The following SH3PXD2A variants were observed in gnomAD, a reference collection of about 807,000 sequenced individuals.
The protein encoded by SH3PXD2A is SH3 and PX domains 2A.
A neutral mutation model predicts 115.2 loss-of-function variants in SH3PXD2A; 32 were observed. That is an observed-to-expected ratio of 0.28 (90% CI 0.21 to 0.37). The LOEUF is 0.37. Ranked by LOEUF, SH3PXD2A falls within the 10% of genes least tolerant of loss-of-function variation. SH3PXD2A has a pLI of 1.00. For missense variants in SH3PXD2A, 1,328 were observed against 1,498.7 expected (o/e 0.89, Z 1.88); for synonymous variants, 610 against 629.1 (o/e 0.97, Z 0.45).
At chr10:103,767,238 C>T in intron 2 of SH3PXD2A, 69 bp from the exon 3 acceptor site, 3 of 1,152,032 alleles carry the variant, frequency 2.6e-6, no homozygotes, top group South Asian at 1.3e-5. Context: ...CCCTTCCCCA[C>T]TCACTCCACT....
intron 2 of SH3PXD2A, among the ~76,000 whole-genome samples, chr10:103,790,194 G>T (rs556605316): frequency 1.3e-5 from 2 of 150,038 alleles, no homozygotes; most frequent in African/African-American, 4.9e-5. Context: ...TCGCTGTGTC[G>T]CCCAGGCTGG....
At chr10:103,609,157 G>GAA (rs767710953) in intron 13 of SH3PXD2A, 16 of 95,140 alleles carry the variant, frequency 1.7e-4, no homozygotes, top group African/African-American at 5.4e-4. Context: ...CTCTGTCTCT[G>GAA]AAAAAAAAAA....
chr10:103,631,123 T>G (rs7902790), intron 8 of SH3PXD2A, among the ~76,000 whole-genome samples: 37,312 of 152,000 alleles, frequency 0.25, 5,532 homozygotes, highest in African/African-American at 0.41. Flanking sequence ...AAATTAGCCG[T>G]GTGTAGTAGC....
At chr10:103,611,981 A>G (rs1305236899) in intron 12 of SH3PXD2A, among the ~76,000 whole-genome samples, 1 of 152,170 alleles carries the variant, frequency 6.6e-6, no homozygotes. Flanking sequence ...TTTGCTTACT[A>G]TTAAATCCAT....
rs1589487300 is a variant in SH3PXD2A at position 103,855,357 on chromosome 10, G to T, written c.-91C>A. On this transcript the variant is annotated 5_prime_UTR_variant, in exon 1 of 15. Transcript: ENST00000369774. Reference sequence around the variant, plus strand: ...CCTTCTCCAGCTGCCGGGGTCCCGGGGCCGCCCGCCACCCCGGCCCGGCGC... The same window carrying T: ...CCTTCTCCAGCTGCCGGGGTCCCGGTGCCGCCCGCCACCCCGGCCCGGCGC... The T allele has an allele frequency of 9.9e-7, 1 of 1,007,448 alleles. No homozygotes were observed. The allele number at this position is 1,007,448 out of a possible 1,614,324, so 62.4% of individuals were successfully genotyped here.
chr10:103,786,094 G>T (rs747404090), intron 2 of SH3PXD2A, among the ~76,000 whole-genome samples: 2 of 152,052 alleles, frequency 1.3e-5, no homozygotes, highest in Non-Finnish European at 2.9e-5. Flanking sequence ...CGAACATACA[G>T]AAACTGACCA....
chr10:103,746,302 A>G lies in SH3PXD2A; in HGVS notation c.230-10494T>C, dbSNP rs1367201240. On this transcript the variant is annotated intron_variant, in intron 3 of 14. Transcript: ENST00000369774. The surrounding 1 kb of genome is among the most constrained non-coding windows in gnomAD (Gnocchi z 4.4). ...ATTCTAGAGCAGTGGGACCAGAACCATTTCTTTCTTTTTTATTTTTATTTA... is the reference window on the plus strand; with the variant it reads ...ATTCTAGAGCAGTGGGACCAGAACCGTTTCTTTCTTTTTTATTTTTATTTA... 2 of 152,074 alleles carry G rather than the reference A, an allele frequency of 1.3e-5. No homozygotes were observed. Among genetic ancestry groups the G allele is most frequent in the African/African-American group, 4.8e-5 (2 of 41,398 alleles). The allele number at this position is 152,074 out of a possible 1,614,324, so 9.4% of individuals were successfully genotyped here.
chr10:103,830,140 G>GA (rs2039470235), intron 1 of SH3PXD2A, among the ~76,000 whole-genome samples: 1 of 152,212 alleles, frequency 6.6e-6, no homozygotes, highest in Admixed American at 6.5e-5. Flanking sequence ...TTCGGATTAA[G>GA]TAAAAAAACA....
chr10:103,598,706 G>A lies in SH3PXD2A; in HGVS notation c.*3110C>T, dbSNP rs747335235. The A allele has an allele frequency of 1.3e-5, 2 of 152,652 alleles. No homozygotes were observed. Among genetic ancestry groups the A allele is most frequent in the Non-Finnish European group, 2.9e-5 (2 of 68,046 alleles). The allele number at this position is 152,652 out of a possible 1,614,324, so 9.5% of individuals were successfully genotyped here. A position where few individuals can be genotyped will look rare whatever the true frequency, so the allele number is the denominator to read the frequency against. On this transcript the variant is annotated 3_prime_UTR_variant, in exon 15 of 15. Coordinates refer to ENST00000369774, the MANE Select transcript of SH3PXD2A (RefSeq NM_001394015.1). ...CTCCCTCCTCTGCCTGCTGCCGGCA[G>A]TATCCTTCAGCATCACAAAGCAGCT...
At chr10:103,721,682 G>A (rs569532391) in intron 5 of SH3PXD2A, among the ~76,000 whole-genome samples, 42 of 152,318 alleles carry the variant, frequency 2.8e-4, no homozygotes, top group African/African-American at 1.0e-3. Context: ...CTCTCCCCAT[G>A]CAAGGACAGA....
intron 8 of SH3PXD2A, among the ~76,000 whole-genome samples, chr10:103,651,380 C>G (rs2037119365): frequency 6.6e-6 from 1 of 152,234 alleles, no homozygotes; most frequent in African/African-American, 2.4e-5. Context: ...TCCCTCTGAC[C>G]TGCTGCCCCT....
intron 6 of SH3PXD2A, among the ~76,000 whole-genome samples, chr10:103,675,488 C>G (rs1218330089): frequency 6.6e-6 from 1 of 151,960 alleles, no homozygotes; most frequent in Non-Finnish European, 1.5e-5. Context: ...TCCAGGTCCC[C>G]TCTCTCTGCT....
rs538383072 is a variant in SH3PXD2A, at chr10:103,623,386, C to A, written c.719-833G>T. Among the ~76,000 whole-genome samples, 22 of 152,278 alleles carry A rather than the reference C, an allele frequency of 1.4e-4. 1 individual carries two copies. The South Asian group carries it at 4.6e-3, about 32-fold the overall frequency. On this transcript the variant is annotated intron_variant, in intron 9 of 14. Transcript: ENST00000369774. ...CCTGCACCCTCTGCTCAGACCCCAGCTCCAGATGCCTCTGTCTTCCTGTGA... is the reference window on the plus strand; with the variant it reads ...CCTGCACCCTCTGCTCAGACCCCAGATCCAGATGCCTCTGTCTTCCTGTGA...
At chr10:103,656,690 C>T (rs184187145) in intron 8 of SH3PXD2A, among the ~76,000 whole-genome samples, 34 of 152,052 alleles carry the variant, frequency 2.2e-4, no homozygotes, top group African/African-American at 6.0e-4. Context: ...ATTAGTCAGC[C>T]GTGGTAGCAG....
intron 3 of SH3PXD2A, among the ~76,000 whole-genome samples, chr10:103,740,155 C>T (rs188169336): frequency 6.6e-6 from 1 of 152,336 alleles, no homozygotes; most frequent in Non-Finnish European, 1.5e-5. Context: ...TCCCTCCCTT[C>T]ATCCTCGCAA....
chr10:103,795,378 GAGA>G (rs2039076248), intron 2 of SH3PXD2A, among the ~76,000 whole-genome samples: 1 of 152,172 alleles, frequency 6.6e-6, no homozygotes, highest in South Asian at 2.1e-4. Flanking sequence ...GATATGGGGA[GAGA>G]AGAAGGTCTG....
rs528166122 is a variant in SH3PXD2A at position 103,757,999 on chromosome 10, C to A, written c.229+9095G>T. 2.0e-5 allele frequency among the ~76,000 whole-genome samples: 3 copies of A among 152,342 alleles called. No individual in the cohort carries two copies. In the South Asian group the frequency reaches 6.2e-4, roughly 32 times the overall value. On this transcript the variant is annotated intron_variant, in intron 3 of 14. Coordinates refer to ENST00000369774, the MANE Select transcript of SH3PXD2A (RefSeq NM_001394015.1). ...GCACAGACAGGCTTGCGGCACCAGT[C>A]CTCTCCCGTTGCACGCCACACAGCG...
intron 5 of SH3PXD2A, among the ~76,000 whole-genome samples, chr10:103,709,574 GCAA>G (rs768041015): frequency 2.5e-4 from 38 of 152,170 alleles, no homozygotes; most frequent in Non-Finnish European, 4.7e-4. Flanking sequence ...AGCCCCTTCG[GCAA>G]CAACAATAGT....
At chr10:103,789,958 G>A (rs2134250308) in intron 2 of SH3PXD2A, among the ~76,000 whole-genome samples, 1 of 152,274 alleles carries the variant, frequency 6.6e-6, no homozygotes, top group African/African-American at 2.4e-5. Flanking sequence ...GGAGATGTGG[G>A]CTGAGCTCCA....
Sources: gnomAD v4.1 joint callset for allele counts (sites outside exome capture counted in the v4.1 genomes callset) on GRCh38, gnomAD v4.1.1 for gene constraint, Gnocchi (gnomAD v3.1) non-coding constraint, MANE v1.5 for transcripts, NCBI Gene and HGNC (gene_info 2026-07-23, HGNC 2026-07-21) for gene names.